ARHGEF12: variants seen among roughly 807,000 people sequenced by gnomAD.
ARHGEF12 encodes the protein KMT2A/ARHGEF12 fusion protein.
ARHGEF12 carries 66 observed loss-of-function variants against 211.2 expected under a neutral mutation model. The observed-to-expected ratio is 0.31, with a 90% CI of 0.26 to 0.38. ARHGEF12 has a LOEUF of 0.38. Ranked by LOEUF, ARHGEF12 falls within the 10% of genes least tolerant of loss-of-function variation. ARHGEF12 has a pLI of 1.00. For missense variants in ARHGEF12, 1,429 were observed against 1,869.5 expected (o/e 0.76, Z 4.34); for synonymous variants, 592 against 638.4 (o/e 0.93, Z 1.09).
chr11:120,473,635 G>A (rs150765864), intron 31 of ARHGEF12, among the ~76,000 whole-genome samples: 3 of 152,292 alleles, frequency 2.0e-5, no homozygotes, highest in African/African-American at 7.2e-5. Flanking sequence ...CTGGGCTCAA[G>A]TGCTCCTTTC....
At chr11:120,435,178 T>C (rs1945656879) in intron 11 of ARHGEF12, among the ~76,000 whole-genome samples, 3 of 152,034 alleles carry the variant, frequency 2.0e-5, no homozygotes, top group African/African-American at 7.2e-5. Context: ...TTTATAATAG[T>C]TTCCTTCTTT....
chr11:120,395,944 G>A (rs569304327), intron 1 of ARHGEF12, among the ~76,000 whole-genome samples: 1 of 152,238 alleles, frequency 6.6e-6, no homozygotes, highest in African/African-American at 2.4e-5. Flanking sequence ...CCTAGAAATG[G>A]TGACATCTCA....
intron 15 of ARHGEF12, 36 bp from the exon 16 acceptor site, chr11:120,445,386 A>G: frequency 6.2e-7 from 1 of 1,610,002 alleles, no homozygotes; most frequent in Non-Finnish European, 8.5e-7. Context: ...AAATATCTTT[A>G]GCGTTGTTAC....
intron 1 of ARHGEF12, among the ~76,000 whole-genome samples, chr11:120,379,241 A>G (rs888180846): frequency 3.3e-5 from 5 of 152,030 alleles, no homozygotes; most frequent in Non-Finnish European, 7.4e-5. Context: ...TTAATAATAT[A>G]TAGAAATACA....
chr11:120,428,018 T>G, intron 7 of ARHGEF12, 51 bp from the exon 8 acceptor site: 1 of 1,454,570 alleles, frequency 6.9e-7, no homozygotes, highest in Non-Finnish European at 9.2e-7. Flanking sequence ...AAAAGTTTCT[T>G]GACAATGTTA....
intron 12 of ARHGEF12, chr11:120,438,820 C>T (rs1026456577): frequency 6.6e-6 from 1 of 152,124 alleles, no homozygotes; most frequent in African/African-American, 2.4e-5. Context: ...GGTCTTCAGA[C>T]ATCCTGTATG....
At chr11:120,483,165 A>T (rs970850658) in intron 39 of ARHGEF12, among the ~76,000 whole-genome samples, 1 of 151,898 alleles carries the variant, frequency 6.6e-6, no homozygotes. Flanking sequence ...ATCTCTCAAC[A>T]CTATTACTGA....
chr11:120,406,838 G>A (rs1242973860), intron 2 of ARHGEF12, among the ~76,000 whole-genome samples: 1 of 152,168 alleles, frequency 6.6e-6, no homozygotes, highest in Non-Finnish European at 1.5e-5. Context: ...GATTACAGGC[G>A]TAAGCCACTG....
At chr11:120,466,284 G>A (rs897558837) in intron 28 of ARHGEF12, among the ~76,000 whole-genome samples, 17 of 152,166 alleles carry the variant, frequency 1.1e-4, no homozygotes, top group African/African-American at 3.9e-4. Context: ...TATAACTGAG[G>A]TCCTACCTTG....
chr11:120,421,999 T>C, intron 6 of ARHGEF12, 147 bp downstream of exon 6: 1 of 602,506 alleles, frequency 1.7e-6, no homozygotes, highest in Non-Finnish European at 2.9e-6. Context: ...CTTATTTCAT[T>C]TGTTTTAAAA....
chr11:120,432,098 A>C (rs1473179237), intron 11 of ARHGEF12, among the ~76,000 whole-genome samples, 187 bp downstream of exon 11: 4 of 152,228 alleles, frequency 2.6e-5, no homozygotes, highest in Non-Finnish European at 5.9e-5. Context: ...TCCAGAGTTC[A>C]CTTTTTCCCT....
At chr11:120,477,081 TTTGTTG>T (rs146792075) in intron 34 of ARHGEF12, 132 bp from the exon 35 acceptor site, 27,454 of 660,884 alleles carry the variant, frequency 0.042, 608 homozygotes, top group African/African-American at 0.082. Context: ...CAGAGTGGGT[TTTGTTG>T]TTGTTGTTGT....
intron 1 of ARHGEF12, among the ~76,000 whole-genome samples, chr11:120,371,165 C>T (rs978520190): frequency 6.6e-6 from 1 of 152,104 alleles, no homozygotes; most frequent in African/African-American, 2.4e-5. Flanking sequence ...GCCAATTTCC[C>T]CCAACTAAAA....
At chr11:120,351,295 C>T (rs1420542143) in intron 1 of ARHGEF12, among the ~76,000 whole-genome samples, 1 of 119,364 alleles carries the variant, frequency 8.4e-6, no homozygotes, top group African/African-American at 3.4e-5. Context: ...TGCAGTGAGC[C>T]GAGATCACCC....
intron 33 of ARHGEF12, 173 bp from the exon 34 acceptor site, chr11:120,476,488 T>A: frequency 2.2e-6 from 1 of 448,130 alleles, no homozygotes; most frequent in Non-Finnish European, 4.0e-6. Flanking sequence ...GTACAATAAA[T>A]ACGTTAATAT....
intron 4 of ARHGEF12, among the ~76,000 whole-genome samples, chr11:120,419,736 A>G (rs1461425405): frequency 6.6e-6 from 1 of 152,186 alleles, no homozygotes; most frequent in African/African-American, 2.4e-5. Flanking sequence ...TTGGTTGGTA[A>G]ATCAGACTTA....
At chr11:120,357,860 G>A (rs1240381703) in intron 1 of ARHGEF12, among the ~76,000 whole-genome samples, 3 of 152,148 alleles carry the variant, frequency 2.0e-5, no homozygotes, top group Non-Finnish European at 4.4e-5. Context: ...GTAAGCCACC[G>A]TGCCACCAAA....
rs1485716133 is a variant in ARHGEF12 at position 120,420,943 on chromosome 11, A to G, written c.298+92A>G. 10 of 1,101,158 alleles carry G rather than the reference A, an allele frequency of 9.1e-6. No homozygotes were observed. In the Admixed American group the frequency reaches 1.6e-4, roughly 18 times the overall value. 68.2% of individuals were successfully genotyped at this position (1,101,158 alleles called of 1,614,324 possible). ...GGCAATTGCCAAGAATAGAATAATT[A>G]CATAGATTGCAGGTCATGTGGACTA... On this transcript the variant is annotated intron_variant, in intron 5 of 40. Transcript: ENST00000397843.
chr11:120,345,733 A>G (rs1376125356), intron 1 of ARHGEF12, among the ~76,000 whole-genome samples: 1 of 148,846 alleles, frequency 6.7e-6, no homozygotes, highest in African/African-American at 2.5e-5. Flanking sequence ...GAAATGGCGT[A>G]TGTCATACTC....
Sources: gnomAD v4.1 joint callset for allele counts (sites outside exome capture counted in the v4.1 genomes callset) on GRCh38, gnomAD v4.1.1 for gene constraint, MANE v1.5 for transcripts, NCBI Gene and HGNC (gene_info 2026-07-23, HGNC 2026-07-21) for gene names.